ATP2B2: variants seen among roughly 807,000 people sequenced by gnomAD.
The protein encoded by ATP2B2 is plasma membrane calcium-transporting ATPase 2.
Under a neutral mutation model 120.0 loss-of-function variants are expected in ATP2B2, and 15 were observed. The ratio of observed to expected loss-of-function variants is 0.12; its 90% CI spans 0.08 to 0.19. The LOEUF is 0.19. ATP2B2 is among the 10% of genes least tolerant of loss of function. The pLI, the probability that ATP2B2 is intolerant of heterozygous loss-of-function variation, is 1.00. For missense variants in ATP2B2, 1,045 were observed against 1,719.8 expected (o/e 0.61, Z 6.94); for synonymous variants, 694 against 700.3 (o/e 0.99, Z 0.14).
At chr3:10,455,904 T>C (rs1211922172) in intron 1 of ATP2B2, among the ~76,000 whole-genome samples, 1 of 152,264 alleles carries the variant, frequency 6.6e-6, no homozygotes, top group Non-Finnish European at 1.5e-5. Context: ...TGGAGTCCCT[T>C]CAGGCTCTGA....
At chr3:10,531,313 G>A (rs983315022) in intron 3 of ATP2B2, among the ~76,000 whole-genome samples, 6 of 152,216 alleles carry the variant, frequency 3.9e-5, no homozygotes, top group African/African-American at 1.4e-4. Context: ...AGACAGTGCC[G>A]GGTCAGAGTG....
chr3:10,598,510 C>T (rs1404319840), intron 2 of ATP2B2, among the ~76,000 whole-genome samples: 1 of 152,194 alleles, frequency 6.6e-6, no homozygotes, highest in Non-Finnish European at 1.5e-5. Context: ...GGCTTCTACG[C>T]CTCCCAACCA....
intron 1 of ATP2B2, among the ~76,000 whole-genome samples, chr3:10,661,673 C>T (rs1393391638): frequency 3.9e-5 from 6 of 152,178 alleles, no homozygotes; most frequent in African/African-American, 1.4e-4. Context: ...GGCCATACTG[C>T]CGAAGGTAAT....
chr3:10,613,886 C>T (rs1454304162), intron 2 of ATP2B2, among the ~76,000 whole-genome samples: 5 of 152,012 alleles, frequency 3.3e-5, no homozygotes, highest in African/African-American at 7.3e-5. Context: ...CTCACTTCTC[C>T]CTCCCCTGTG....
Position 10,345,984 on chromosome 3 carries a change from A to G in ATP2B2, c.2511+47T>C, listed in dbSNP as rs562607271. ...AGCCAGCCCAAGGTTGTGTAGTCCAATCTCCCCAGCCCCCACCACCCCAGG... is the reference window on the plus strand; with the variant it reads ...AGCCAGCCCAAGGTTGTGTAGTCCAGTCTCCCCAGCCCCCACCACCCCAGG... On this transcript the variant is annotated intron_variant, in intron 17 of 22. Coordinates refer to ENST00000360273, the MANE Select transcript of ATP2B2 (RefSeq NM_001001331.4). The G allele has an allele frequency of 6.1e-5, 95 of 1,556,284 alleles. No individual in the cohort carries two copies. In the Admixed American group the frequency reaches 1.5e-3, roughly 25 times the overall value.
At position 10,469,987 on chromosome 3, in the gene ATP2B2, T is replaced by C. The variant is rs2287440; in HGVS notation, c.-319-20125A>G. Reference sequence around the variant, plus strand: ...CCCAGGTGAGGGTGTCAGTATATAATAATAGAACAGCGCAGCCCCCGTGGG... The same window carrying C: ...CCCAGGTGAGGGTGTCAGTATATAACAATAGAACAGCGCAGCCCCCGTGGG... On this transcript the variant is annotated intron_variant, in intron 1 of 22. Coordinates refer to ENST00000360273, the MANE Select transcript of ATP2B2 (RefSeq NM_001001331.4). Among the ~76,000 whole-genome samples, 84 of 151,852 alleles carry C rather than the reference T, an allele frequency of 5.5e-4. 2 individuals carry two copies. The East Asian group carries it at 0.013, about 24-fold the overall frequency.
chr3:10,649,877 C>T (rs1008036616), intron 1 of ATP2B2, among the ~76,000 whole-genome samples: 2 of 152,222 alleles, frequency 1.3e-5, no homozygotes, highest in African/African-American at 4.8e-5. Flanking sequence ...CCATGTGAGA[C>T]ATGCCTTTCA....
intron 3 of ATP2B2, among the ~76,000 whole-genome samples, chr3:10,522,080 G>C (rs4684706): frequency 0.016 from 2,502 of 152,274 alleles, 38 homozygotes; most frequent in Admixed American, 0.036. Flanking sequence ...ATGTGGGTGG[G>C]CACAAGGCAG....
chr3:10,670,803 C>T (rs1017014784), intron 1 of ATP2B2, among the ~76,000 whole-genome samples: 3 of 152,096 alleles, frequency 2.0e-5, no homozygotes, highest in Non-Finnish European at 4.4e-5. Context: ...GAGCAGAATC[C>T]GGATTGGTAC....
chr3:10,437,406 A>T (rs1324148432), intron 2 of ATP2B2, among the ~76,000 whole-genome samples: 1 of 152,214 alleles, frequency 6.6e-6, no homozygotes, highest in East Asian at 1.9e-4. Flanking sequence ...GAGTAAACAG[A>T]TTCTGAGAGG....
intron 1 of ATP2B2, among the ~76,000 whole-genome samples, chr3:10,686,033 T>C (rs2071511199): frequency 6.8e-6 from 1 of 147,826 alleles, no homozygotes; most frequent in Admixed American, 7.0e-5. Context: ...CTGTCTTTCT[T>C]TCCTCCTTTC....
intron 1 of ATP2B2, among the ~76,000 whole-genome samples, chr3:10,504,708 C>T (rs1321112983): frequency 1.3e-5 from 2 of 152,180 alleles, no homozygotes; most frequent in Non-Finnish European, 2.9e-5. Context: ...CATCCTGACC[C>T]TGCAGGGGGC....
At chr3:10,610,969 G>A (rs1438517971) in intron 2 of ATP2B2, among the ~76,000 whole-genome samples, 1 of 152,194 alleles carries the variant, frequency 6.6e-6, no homozygotes, top group Non-Finnish European at 1.5e-5. Flanking sequence ...GGCTGGGCTC[G>A]CTGACAGTCC....
intron 8 of ATP2B2, 66 bp downstream of exon 8, chr3:10,385,202 A>C: frequency 6.6e-7 from 1 of 1,522,632 alleles, no homozygotes; most frequent in Non-Finnish European, 9.1e-7. Context: ...AAGAAAGCCC[A>C]AAGTTGGGGT....
chr3:10,343,415 T>C lies in ATP2B2; in HGVS notation c.2704-450A>G, dbSNP rs1474212265. Among the ~76,000 whole-genome samples, 1 of 123,982 alleles carries C rather than the reference T, an allele frequency of 8.1e-6. No individual in the cohort carries two copies. The highest frequency in any genetic ancestry group is 1.7e-5 in the Non-Finnish European group (1 of 60,134). The allele number at this position is 123,982 out of a possible 152,430, so 81.3% of individuals were successfully genotyped here. A position where few individuals can be genotyped will look rare whatever the true frequency, so the allele number is the denominator to read the frequency against. On this transcript the variant is annotated intron_variant, in intron 18 of 22. Transcript: ENST00000360273. The surrounding 1 kb of genome is among the most constrained non-coding windows in gnomAD (Gnocchi z 4.2). ...GCCCGTCCCCCACCCCCCCAATGTC[T>C]CCTCCCCTCTTATCCCGCCTTACCT... is the stretch of plus-strand genomic sequence containing the variant.
At chr3:10,694,174 T>C (rs1212615315) in intron 1 of ATP2B2, among the ~76,000 whole-genome samples, 3 of 152,382 alleles carry the variant, frequency 2.0e-5, no homozygotes, top group Middle Eastern at 3.4e-3. Flanking sequence ...CACCCATCTT[T>C]GTATGTGTCT....
chr3:10,406,614 T>C (rs6798693), intron 3 of ATP2B2, among the ~76,000 whole-genome samples: 71,901 of 152,116 alleles, frequency 0.47, 18,230 homozygotes, highest in East Asian at 0.69. Context: ...GGCTGTGCCA[T>C]CTAGGTATGT....
At chr3:10,569,268 AC>A (rs1479871174) in intron 2 of ATP2B2, among the ~76,000 whole-genome samples, 83 of 152,348 alleles carry the variant, frequency 5.4e-4, no homozygotes, top group African/African-American at 2.0e-3. Flanking sequence ...TATCCTGGCT[AC>A]GCAGGTGATA....
chr3:10,606,937 A>C (rs78761360), intron 2 of ATP2B2, among the ~76,000 whole-genome samples: 2 of 74,548 alleles, frequency 2.7e-5, no homozygotes, highest in Non-Finnish European at 4.6e-5. Context: ...AGAGAGAGAG[A>C]GGGAGAGGGA....
Sources: allele counts gnomAD v4.1 joint callset (sites outside exome capture counted in the v4.1 genomes callset), GRCh38; gene constraint gnomAD v4.1.1; non-coding constraint Gnocchi (gnomAD v3.1); transcripts MANE v1.5; gene names NCBI Gene and HGNC (gene_info 2026-07-23, HGNC 2026-07-21).